Variants in KCTD2 observed in about 807,000 individuals in gnomAD.
KCTD2 encodes the protein BTB/POZ domain-containing protein KCTD2.
KCTD2 carries 18 observed loss-of-function variants against 27.9 expected under a neutral mutation model. That is an observed-to-expected ratio of 0.64 (90% CI 0.45 to 0.96). KCTD2 has a LOEUF of 0.96. Ranked by LOEUF, KCTD2 falls within the 40% of genes least tolerant of loss-of-function variation. KCTD2 has a pLI of 0.00. For missense variants in KCTD2, 280 were observed against 348.0 expected (o/e 0.80, Z 1.56); for synonymous variants, 175 against 148.4 (o/e 1.18, Z -1.30).
chr17:75,053,479 C>T (rs1200555314), intron 3 of KCTD2, among the ~76,000 whole-genome samples: 4 of 151,914 alleles, frequency 2.6e-5, no homozygotes, highest in African/African-American at 9.7e-5. Flanking sequence ...CTCGCCCTGT[C>T]GCCCAGGCCG....
intron 3 of KCTD2, chr17:75,039,162 G>A (rs1243254219): frequency 6.2e-7 from 1 of 1,612,360 alleles, no homozygotes; most frequent in East Asian, 2.2e-5. Context: ...GTGTGGTCAT[G>A]AAAGAGAGAA....
At chr17:75,042,506 T>A, upstream of KCTD2, 1 of 1,599,912 alleles carries the variant, frequency 6.3e-7, no homozygotes, top group South Asian at 1.1e-5. Context: ...AAGTATGGGG[T>A]TCCCTCTCAG....
At chr17:75,059,420 C>T in intron 3 of KCTD2, 90 bp from the exon 4 acceptor site, 1 of 716,664 alleles carries the variant, frequency 1.4e-6, no homozygotes, top group South Asian at 2.7e-5. Flanking sequence ...AACTCCTTTT[C>T]AGTGTTTATT....
At chr17:75,059,353 A>G in intron 3 of KCTD2, 157 bp from the exon 4 acceptor site, 2 of 456,084 alleles carry the variant, frequency 4.4e-6, no homozygotes, top group Non-Finnish European at 7.8e-6. Context: ...AAGAAACGCC[A>G]CAGTACTATT....
rs183456120 is a variant in KCTD2 at position 75,059,710 on chromosome 17, C to T, written c.636+105C>T. ...AATTAATAACCACGGGAGACGGCTA[C>T]GGCCAGGTGGGATCCTATTCCAAAA... On this transcript the variant is annotated intron_variant, in intron 4 of 5. Coordinates refer to ENST00000322444, the MANE Select transcript of KCTD2 (RefSeq NM_015353.3). 8.5e-4 allele frequency: 705 copies of T among 827,516 alleles called. 2 individuals are homozygous for T. The highest frequency in any genetic ancestry group is 1.3e-3 in the Non-Finnish European group (663 of 522,556). The allele number at this position is 827,516 out of a possible 1,614,324, so 51.3% of individuals were successfully genotyped here.
At chr17:75,035,315 C>T (rs1369581881) in exon 3 of KCTD2, 4 of 152,190 alleles carry the variant, frequency 2.6e-5, no homozygotes, top group Admixed American at 2.0e-4. Context: ...TCAGGCTTTG[C>T]ATCCCGGGAC....
rs114017223 is a variant in KCTD2 at position 75,033,782 on chromosome 17, G to C, written c.-469-251G>C. Reference sequence around the variant, plus strand: ...TGCGCACCGCGGTATCTTCCCGCCCGCTCACCAAAAGTGCGCGCGGCAGGG... The same window carrying C: ...TGCGCACCGCGGTATCTTCCCGCCCCCTCACCAAAAGTGCGCGCGGCAGGG... On this transcript the variant is annotated intron_variant, in intron 1 of 7. Coordinates refer to the KCTD2 transcript ENST00000581589. 2.6e-4 allele frequency among the ~76,000 whole-genome samples: 40 copies of C among 152,304 alleles called. No individual in the cohort carries two copies. In the East Asian group the frequency reaches 5.8e-3, roughly 22 times the overall value.
At chr17:75,042,060 G>GTT in intron 3 of KCTD2, 1 of 813,914 alleles carries the variant, frequency 1.2e-6, no homozygotes, top group Non-Finnish European at 1.9e-6. Flanking sequence ...TTGGCCATAC[G>GTT]CATCCTTCCT....
chr17:75,047,568 C>T lies in KCTD2; in HGVS notation c.318C>T (p.Asp106=). 1.9e-6 allele frequency: 3 copies of T among 1,610,492 alleles called. No individual in the cohort carries two copies. Among genetic ancestry groups the T allele is most frequent in the Non-Finnish European group, 2.5e-6 (3 of 1,178,794 alleles). ...SFLCRLCCQE[D]PELDSDKDET... Reference sequence around the variant, plus strand: ...TCTGCCGCCTCTGCTGCCAGGAGGACCCGGAGCTGGACTCAGACAAGGTGT... The same window carrying T: ...TCTGCCGCCTCTGCTGCCAGGAGGATCCGGAGCTGGACTCAGACAAGGTGT... Residue 106 remains aspartate, a synonymous_variant, in exon 1 of 6, where the codon GAC becomes GAT. Coordinates refer to ENST00000322444, the MANE Select transcript of KCTD2 (RefSeq NM_015353.3).
chr17:75,046,446 T>C (rs1450915241), upstream of KCTD2, among the ~76,000 whole-genome samples: 1 of 152,166 alleles, frequency 6.6e-6, no homozygotes, highest in Non-Finnish European at 1.5e-5. Context: ...ATCATGCGCA[T>C]AGGAGGTGCT....
intron 2 of KCTD2, chr17:75,035,133 A>AT (rs1364994310): frequency 6.6e-6 from 1 of 152,092 alleles, no homozygotes; most frequent in Non-Finnish European, 1.5e-5. Context: ...CCTAATGGAT[A>AT]AGGCGTCTGA....
chr17:75,035,856 CAAA>C (rs1317494643), intron 3 of KCTD2, among the ~76,000 whole-genome samples: 1 of 151,766 alleles, frequency 6.6e-6, no homozygotes, highest in African/African-American at 2.4e-5. Flanking sequence ...AACAAACAAA[CAAA>C]AAACTCCAGT....
intron 4 of KCTD2, among the ~76,000 whole-genome samples, chr17:75,061,121 C>T (rs2073400136): frequency 6.6e-6 from 1 of 152,194 alleles, no homozygotes; most frequent in Non-Finnish European, 1.5e-5. Flanking sequence ...CATCTTATTA[C>T]TGTCCCGTGG....
chr17:75,042,004 G>A (rs2073166235), intron 3 of KCTD2: 1 of 568,728 alleles, frequency 1.8e-6, no homozygotes, highest in Admixed American at 3.4e-5. Context: ...AATGAACAGA[G>A]CCTAAATTCC....
chr17:75,057,555 CTT>C (rs531046978), intron 3 of KCTD2, among the ~76,000 whole-genome samples: 120 of 133,320 alleles, frequency 9.0e-4, no homozygotes, highest in African/African-American at 2.9e-3. Flanking sequence ...AGCTATACCT[CTT>C]TTTTTTTTTT....
At position 75,034,288 on chromosome 17, in the gene KCTD2, C is replaced by A. The variant is rs149342698; in HGVS notation, c.-385+171C>A. ...GAGAACCAGAGGTAAATGACCACCG[C>A]GACTGCAAACAGAGGGTCCTGCAAG... On this transcript the variant is annotated intron_variant, in intron 2 of 7. Coordinates refer to the KCTD2 transcript ENST00000581589. 5.3e-4 allele frequency among the ~76,000 whole-genome samples: 80 copies of A among 152,194 alleles called. 1 individual carries two copies. Among genetic ancestry groups the A allele is most frequent in the African/African-American group, 1.9e-3 (78 of 41,514 alleles).
chr17:75,057,813 G>T (rs998504513), intron 3 of KCTD2, among the ~76,000 whole-genome samples: 1 of 150,868 alleles, frequency 6.6e-6, no homozygotes, highest in Non-Finnish European at 1.5e-5. Flanking sequence ...CGCCCACCTC[G>T]GTCTCCCAAA....
At position 75,051,604 on chromosome 17, in the gene KCTD2, T is replaced by C. The variant is rs577162164; in HGVS notation, c.449-1410T>C. Among the ~76,000 whole-genome samples the C allele has an allele frequency of 1.4e-3, 208 of 151,718 alleles. 1 individual carries two copies. Among genetic ancestry groups the C allele is most frequent in the Non-Finnish European group, 1.9e-3 (127 of 67,848 alleles). On this transcript the variant is annotated intron_variant, in intron 2 of 5. Transcript: ENST00000322444. ...CGACCTTTTTTTTTTTTAAATCATA[T>C]TTGCATTGTCCTTCATTCTCTATTT...
intron 1 of KCTD2, chr17:75,033,059 C>A (rs573024490): frequency 1.3e-5 from 2 of 152,376 alleles, no homozygotes; most frequent in South Asian, 4.1e-4. Flanking sequence ...TGGTAACCGA[C>A]GCTGCCCTTG....
Sources: allele counts gnomAD v4.1 joint callset (sites outside exome capture counted in the v4.1 genomes callset), GRCh38; gene constraint gnomAD v4.1.1; transcripts MANE v1.5; gene names NCBI Gene and HGNC (gene_info 2026-07-23, HGNC 2026-07-21).